The following RABGAP1 variants were observed in gnomAD, a reference collection of about 807,000 sequenced individuals.
The protein encoded by RABGAP1 is rab GTPase-activating protein 1.
RABGAP1 carries 23 observed loss-of-function variants against 137.6 expected under a neutral mutation model. That is an observed-to-expected ratio of 0.17 (90% CI 0.12 to 0.24). RABGAP1 has a LOEUF of 0.24. RABGAP1 is among the 10% of genes least tolerant of loss of function. RABGAP1 has a pLI of 1.00. For missense variants in RABGAP1, 906 were observed against 1,275.8 expected (o/e 0.71, Z 4.42); for synonymous variants, 451 against 450.7 (o/e 1.00, Z -0.01).
At chr9:122,994,772 C>T (rs1400287803) in intron 6 of RABGAP1, among the ~76,000 whole-genome samples, 3 of 152,150 alleles carry the variant, frequency 2.0e-5, no homozygotes, top group African/African-American at 7.2e-5. Context: ...CCTTTGAGAA[C>T]AGTGAGCTAG....
chr9:123,074,120 G>A (rs1169846221), intron 16 of RABGAP1, among the ~76,000 whole-genome samples, 165 bp from the exon 17 acceptor site: 1 of 152,194 alleles, frequency 6.6e-6, no homozygotes, highest in Non-Finnish European at 1.5e-5. Flanking sequence ...AAAGAGTTGA[G>A]TGCCAGCTTA....
At chr9:123,057,899 G>A (rs1183124229) in intron 13 of RABGAP1, among the ~76,000 whole-genome samples, 3 of 152,188 alleles carry the variant, frequency 2.0e-5, no homozygotes, top group African/African-American at 7.2e-5. Context: ...AAAAAAATAC[G>A]AAAACCAGTC....
intron 10 of RABGAP1, among the ~76,000 whole-genome samples, chr9:123,007,333 C>T (rs953034594): frequency 6.6e-6 from 1 of 150,660 alleles, no homozygotes; most frequent in East Asian, 1.9e-4. Flanking sequence ...CCTAGGCCTC[C>T]CAAATTGCTG....
At chr9:123,032,783 T>C (rs1039161963) in intron 13 of RABGAP1, among the ~76,000 whole-genome samples, 4 of 152,342 alleles carry the variant, frequency 2.6e-5, no homozygotes, top group African/African-American at 9.6e-5. Context: ...TTTATGACAT[T>C]ACCAGGAAAA....
chr9:123,033,220 TAAAG>T (rs974384991), intron 13 of RABGAP1, among the ~76,000 whole-genome samples: 50 of 152,324 alleles, frequency 3.3e-4, no homozygotes, highest in African/African-American at 1.2e-3. Flanking sequence ...GCCATACACT[TAAAG>T]GAAGTTAACA....
At chr9:123,028,844 T>C (rs764654824) in intron 13 of RABGAP1, among the ~76,000 whole-genome samples, 2 of 152,256 alleles carry the variant, frequency 1.3e-5, no homozygotes, top group African/African-American at 2.4e-5. Context: ...TCATACGCTT[T>C]GGTTTCCTTA....
chr9:122,989,601 C>G (rs1412651121), intron 5 of RABGAP1, 130 bp downstream of exon 5: 1 of 1,037,772 alleles, frequency 9.6e-7, no homozygotes, highest in Non-Finnish European at 1.4e-6. Flanking sequence ...TTTAGTGATT[C>G]TAGCCTCATG....
intron 23 of RABGAP1, 29 bp from the exon 24 acceptor site, chr9:123,099,448 GA>G: frequency 6.4e-7 from 1 of 1,565,308 alleles, no homozygotes; most frequent in Non-Finnish European, 8.8e-7. Flanking sequence ...AATTGCTCAA[GA>G]GATTGTTGTT....
the RABGAP1 span, among the ~76,000 whole-genome samples, chr9:122,933,618 A>G: frequency 2.6e-5 from 4 of 151,424 alleles, no homozygotes; most frequent in African/African-American, 4.9e-5. Flanking sequence ...ATGCCCAGCT[A>G]CTTTTTGTAA....
intron 6 of RABGAP1, among the ~76,000 whole-genome samples, chr9:122,993,798 G>T (rs1836871187): frequency 6.6e-6 from 1 of 151,890 alleles, no homozygotes; most frequent in Non-Finnish European, 1.5e-5. Context: ...TAAGTAGCTG[G>T]GATTACAGAC....
At chr9:123,020,270 C>G in intron 12 of RABGAP1, 39 bp from the exon 13 acceptor site, 2 of 1,404,106 alleles carry the variant, frequency 1.4e-6, no homozygotes, top group South Asian at 3.4e-5. Context: ...AGAATCTTAT[C>G]TTCCTTTTAT....
chr9:123,034,820 C>T (rs374152354), intron 13 of RABGAP1: 1 of 1,614,026 alleles, frequency 6.2e-7, no homozygotes, highest in Non-Finnish European at 8.5e-7. Flanking sequence ...TGCGTGGTCC[C>T]TTCTTTATCA....
chr9:123,093,937 C>A (rs974283310), intron 21 of RABGAP1, among the ~76,000 whole-genome samples: 3 of 152,162 alleles, frequency 2.0e-5, no homozygotes, highest in Non-Finnish European at 2.9e-5. Flanking sequence ...TTATTAAGAT[C>A]TTTTTCAGTT....
In RABGAP1 at chr9:123,044,915, G is replaced by A. The variant is rs1283752574; in HGVS notation, c.1795-20433G>A. On this transcript the variant is annotated intron_variant, in intron 13 of 25. Coordinates refer to ENST00000373647, the MANE Select transcript of RABGAP1 (RefSeq NM_012197.4). ...AAGTATCCAGCTGGACAGAATTAAA[G>A]GAACCCAAAGGATCAACAGACTAAA... 3.9e-5 allele frequency among the ~76,000 whole-genome samples: 6 copies of A among 152,044 alleles called. No individual in the cohort carries two copies. The East Asian group carries it at 1.2e-3, about 29-fold the overall frequency.
At chr9:123,077,622 T>TTGTATTGTATTGTATTGTAC (rs2034557964) in intron 19 of RABGAP1, among the ~76,000 whole-genome samples, 2 of 90,948 alleles carry the variant, frequency 2.2e-5, no homozygotes, top group Non-Finnish European at 4.4e-5. Context: ...TTGTATTGTA[T>TTGTATTGTATTGTATTGTAC]TGTATTGTAT....
chr9:123,025,219 G>A (rs2031885226), intron 13 of RABGAP1, among the ~76,000 whole-genome samples: 1 of 151,994 alleles, frequency 6.6e-6, no homozygotes, highest in South Asian at 2.1e-4. Context: ...ATATATGCTG[G>A]GATTGATTTC....
At chr9:123,013,374 C>G (rs2131890804) in intron 11 of RABGAP1, among the ~76,000 whole-genome samples, 1 of 152,064 alleles carries the variant, frequency 6.6e-6, no homozygotes, top group African/African-American at 2.4e-5. Flanking sequence ...CTGTGTCACC[C>G]AGACAGGAGT....
chr9:123,027,108 C>CTTTTTTTTTTTTTTTTTT (rs71388345), intron 13 of RABGAP1, among the ~76,000 whole-genome samples: 1 of 100,092 alleles, frequency 1.0e-5, no homozygotes, highest in African/African-American at 3.4e-5. Flanking sequence ...TCTTTCTTTT[C>CTTTTTTTTTTTTTTTTTT]TTTTTTTTTT....
chr9:123,064,588 A>C (rs1368926533), intron 13 of RABGAP1, among the ~76,000 whole-genome samples: 1 of 152,230 alleles, frequency 6.6e-6, no homozygotes, highest in Admixed American at 6.5e-5. Flanking sequence ...AAGACACTGC[A>C]TTGTTAAAGT....
Sources: allele counts gnomAD v4.1 joint callset (sites outside exome capture counted in the v4.1 genomes callset), GRCh38; gene constraint gnomAD v4.1.1; transcripts MANE v1.5; gene names NCBI Gene and HGNC (gene_info 2026-07-23, HGNC 2026-07-21).